Variants in VPS37A observed in about 807,000 individuals in gnomAD.
VPS37A encodes VPS37A subunit of ESCRT-I, also known as vacuolar protein sorting-associated protein 37A.
In VPS37A, 30 loss-of-function variants were observed where a neutral mutation model predicts 49.8. That is an observed-to-expected ratio of 0.60 (90% CI 0.45 to 0.82). The LOEUF (loss-of-function observed/expected upper bound fraction) is 0.82. VPS37A is among the 40% of genes least tolerant of loss of function. The probability of loss-of-function intolerance (pLI) is 0.00; values close to 1 mark genes in which losing one functional copy is unlikely to be tolerated. For missense variants in VPS37A, 593 were observed against 464.4 expected (o/e 1.28, Z -2.55); for synonymous variants, 195 against 160.6 (o/e 1.21, Z -1.62).
chr8:17,291,050 G>A (rs187207202), intron 11 of VPS37A, among the ~76,000 whole-genome samples: 3 of 152,134 alleles, frequency 2.0e-5, no homozygotes, highest in African/African-American at 7.2e-5. Flanking sequence ...CTCTCATTCT[G>A]TTGCCCAGGC....
rs373775451 is a variant in VPS37A, at chr8:17,274,746, C to G, written c.430C>G (p.Pro144Ala). ...TTTTCTTTTCAGTCTATACAGTAAC[C>G]CAAGTGGGATGTCTCCTTATGCTTC... ...STAFPYLYSN[P>A]SGMSPYASQG... The change falls in exon 5 of 12, where the codon CCA becomes GCA. Residue 144 changes from proline (P) to alanine (A), a missense_variant. Pro to Ala is a conservative substitution (Grantham distance 27, BLOSUM62 -1). Transcript: ENST00000324849. 3.1e-6 allele frequency: 5 copies of G among 1,613,790 alleles called. No homozygotes were observed. Among genetic ancestry groups the G allele is most frequent in the Middle Eastern group, 3.3e-4 (2 of 6,062 alleles).
chr8:17,264,983 T>G (rs951357874), intron 1 of VPS37A, among the ~76,000 whole-genome samples: 4 of 152,208 alleles, frequency 2.6e-5, no homozygotes, highest in African/African-American at 9.6e-5. Context: ...CCAAGAATTA[T>G]ATTACCTGCC....
the VPS37A span, among the ~76,000 whole-genome samples, chr8:17,310,464 C>G: frequency 6.6e-6 from 1 of 152,098 alleles, no homozygotes; most frequent in African/African-American, 2.4e-5. Context: ...TAATGGGGCA[C>G]AATGAGAACA....
chr8:17,299,577 AG>A (rs1816962323), downstream of VPS37A: 1 of 368,144 alleles, frequency 2.7e-6, no homozygotes, highest in African/African-American at 2.0e-5. Context: ...TGATCACTTC[AG>A]GTAATGACAG....
At chr8:17,284,449 G>T in intron 9 of VPS37A, 24 bp from the exon 10 acceptor site, 1 of 1,551,548 alleles carries the variant, frequency 6.4e-7, no homozygotes, top group South Asian at 1.3e-5. Context: ...ATAAATTAAA[G>T]TAGTGCCTGA....
At chr8:17,300,817 C>T (rs951092314), downstream of VPS37A, among the ~76,000 whole-genome samples, 1 of 152,226 alleles carries the variant, frequency 6.6e-6, no homozygotes, top group Admixed American at 6.5e-5. Flanking sequence ...CAACTTCTAT[C>T]TCTATGGATT....
At chr8:17,286,489 GT>G in intron 11 of VPS37A, 62 bp downstream of exon 11, 2 of 1,410,266 alleles carry the variant, frequency 1.4e-6, no homozygotes, top group Non-Finnish European at 2.0e-6. Context: ...AAATAGACAT[GT>G]TGTTAACGGT....
At chr8:17,316,647 T>A in the VPS37A span, among the ~76,000 whole-genome samples, 1 of 151,782 alleles carries the variant, frequency 6.6e-6, no homozygotes, top group Non-Finnish European at 1.5e-5. Flanking sequence ...CACAAATATT[T>A]GAAAAAAATA....
chr8:17,261,703 A>G (rs1812978020), intron 1 of VPS37A, among the ~76,000 whole-genome samples: 1 of 152,160 alleles, frequency 6.6e-6, no homozygotes, highest in African/African-American at 2.4e-5. Flanking sequence ...GGCTCTAATA[A>G]GTACCTGGAG....
downstream of VPS37A, chr8:17,300,223 C>G: frequency 1.3e-6 from 2 of 1,597,422 alleles, no homozygotes; most frequent in African/African-American, 1.3e-5. Context: ...TTTTTCCAGC[C>G]TCTAAGAAAG....
intron 11 of VPS37A, among the ~76,000 whole-genome samples, chr8:17,292,773 A>C (rs7844038): frequency 0.014 from 2,062 of 152,294 alleles, 54 homozygotes; most frequent in African/African-American, 0.048. Flanking sequence ...AAGAATGTTG[A>C]ATATTGGCCC....
chr8:17,285,644 T>C (rs770376523), intron 10 of VPS37A, among the ~76,000 whole-genome samples: 9 of 152,304 alleles, frequency 5.9e-5, no homozygotes, highest in Non-Finnish European at 1.3e-4. Flanking sequence ...CCATTTTTCA[T>C]GAGAGGAAAT....
chr8:17,312,774 C>A, the VPS37A span, among the ~76,000 whole-genome samples: 475 of 152,122 alleles, frequency 3.1e-3, 5 homozygotes, highest in African/African-American at 0.011. Context: ...AGATATGGTT[C>A]TCTTTAGGTA....
the VPS37A span, among the ~76,000 whole-genome samples, chr8:17,321,236 G>A: frequency 6.6e-6 from 1 of 152,220 alleles, no homozygotes; most frequent in Non-Finnish European, 1.5e-5. Context: ...GAAATGGCCT[G>A]TGCCAAAAGC....
the VPS37A span, among the ~76,000 whole-genome samples, chr8:17,322,054 T>C: frequency 2.0e-5 from 3 of 152,204 alleles, no homozygotes; most frequent in Non-Finnish European, 4.4e-5. Flanking sequence ...GGGGTTGGTC[T>C]TTCTTGTACC....
downstream of VPS37A, chr8:17,306,040 G>A (rs1817432598): frequency 1.7e-5 from 18 of 1,078,014 alleles, no homozygotes; most frequent in South Asian, 9.4e-5. Flanking sequence ...AACCATAAAA[G>A]CAACCCTAGT....
At chr8:17,283,067 T>C (rs537774735) in intron 9 of VPS37A, among the ~76,000 whole-genome samples, 5 of 152,356 alleles carry the variant, frequency 3.3e-5, no homozygotes, top group South Asian at 2.1e-4. Context: ...TTTGTGAAGA[T>C]AGATAACCAG....
At chr8:17,274,642 C>T (rs973873211) in intron 4 of VPS37A, 91 bp from the exon 5 acceptor site, 26 of 985,966 alleles carry the variant, frequency 2.6e-5, no homozygotes, top group Non-Finnish European at 3.5e-5. Flanking sequence ...CTATATAGTA[C>T]TTGACCTTTG....
At chr8:17,291,344 A>G (rs1193311154) in intron 11 of VPS37A, among the ~76,000 whole-genome samples, 1 of 149,932 alleles carries the variant, frequency 6.7e-6, no homozygotes. Flanking sequence ...TATTTTGTCT[A>G]TTTGATTCTT....
Sources: gnomAD v4.1 joint callset for allele counts (sites outside exome capture counted in the v4.1 genomes callset) on GRCh38, gnomAD v4.1.1 for gene constraint, MANE v1.5 for transcripts, NCBI Gene and HGNC (gene_info 2026-07-23, HGNC 2026-07-21) for gene names.